Variants in GPC3 observed in about 807,000 individuals in gnomAD.
The protein encoded by GPC3 is glypican-3.
Under a neutral mutation model 34.4 loss-of-function variants are expected in GPC3, and 3 were observed. The ratio of observed to expected loss-of-function variants is 0.09; its 90% CI spans 0.04 to 0.23. The LOEUF (loss-of-function observed/expected upper bound fraction) is 0.23. Among genes scored for constraint, GPC3 ranks in the 10% least tolerant of loss-of-function variants. The pLI is 1.00. For synonymous variants in GPC3, 177 were observed against 174.0 expected (o/e 1.02, Z -0.13); for missense variants, 351 against 445.6 (o/e 0.79, Z 1.91).
intron 2 of GPC3, among the ~76,000 whole-genome samples, chrX:133,880,030 A>T (rs2076034817): frequency 9.0e-6 from 1 of 111,706 alleles, no homozygotes; most frequent in Non-Finnish European, 1.9e-5. Flanking sequence ...GCACTGTAAA[A>T]GGAAGACAAA....
intron 2 of GPC3, among the ~76,000 whole-genome samples, chrX:133,838,850 C>A (rs932676946): frequency 8.9e-6 from 1 of 111,949 alleles, no homozygotes; most frequent in African/African-American, 3.3e-5. Flanking sequence ...CTCTTTAACA[C>A]CCTTAGCGGG....
intron 7 of GPC3, among the ~76,000 whole-genome samples, chrX:133,584,374 AC>A (rs2069763848): frequency 1.8e-5 from 2 of 112,096 alleles, no homozygotes; most frequent in South Asian, 7.5e-4. Context: ...TATTTGGAGA[AC>A]GACTCTTCTC....
intron 2 of GPC3, among the ~76,000 whole-genome samples, chrX:133,812,147 T>A (rs12008879): frequency 0.11 from 11,893 of 111,452 alleles, 1,172 homozygotes; most frequent in African/African-American, 0.31. Flanking sequence ...AACCTTTATC[T>A]AAACCTAAGT....
At chrX:133,621,332 G>A (rs1383819649) in intron 6 of GPC3, among the ~76,000 whole-genome samples, 2 of 111,684 alleles carry the variant, frequency 1.8e-5, no homozygotes, top group East Asian at 5.7e-4. Context: ...TCCACGGAGC[G>A]TGAGCCGAAG....
chrX:133,629,499 G>A (rs767865346), intron 6 of GPC3, among the ~76,000 whole-genome samples: 16 of 110,588 alleles, frequency 1.4e-4, no homozygotes, highest in Admixed American at 6.8e-4. Context: ...AGGTTCAAGC[G>A]ATTCTCCTGC....
rs183388291 is a variant in GPC3, at chrX:133,600,516, A to G, written c.1414-3917T>C. The stretch of plus-strand genomic sequence containing the variant: ...CATTCTGGTGACAAATTCAGCATGG[A>G]AGAAGGATTATAGTAGACTTTTAAG... On this transcript the variant is annotated intron_variant, in intron 6 of 7. Coordinates refer to ENST00000370818, the MANE Select transcript of GPC3 (RefSeq NM_004484.4). 2.0e-4 allele frequency among the ~76,000 whole-genome samples: 23 copies of G among 112,195 alleles called. No individual in the cohort carries two copies. In the Admixed American group the frequency reaches 2.2e-3, roughly 11 times the overall value.
intron 2 of GPC3, among the ~76,000 whole-genome samples, chrX:133,853,617 C>T (rs1468438412): frequency 1.8e-5 from 2 of 112,114 alleles, no homozygotes; most frequent in Non-Finnish European, 3.8e-5. Context: ...ATGAATCAAG[C>T]GTTATGCTAG....
chrX:133,745,648 A>G (rs951905231), intron 3 of GPC3, among the ~76,000 whole-genome samples: 14 of 112,505 alleles, frequency 1.2e-4, no homozygotes, highest in African/African-American at 4.2e-4. Context: ...CTACCCTCCA[A>G]CAGGTGGCAC....
intron 7 of GPC3, among the ~76,000 whole-genome samples, chrX:133,536,897 A>G (rs1369198815): frequency 2.7e-5 from 3 of 111,535 alleles, no homozygotes; most frequent in Non-Finnish European, 5.6e-5. Flanking sequence ...CCTTTTATCT[A>G]TAAGGTCTTT....
intron 2 of GPC3, among the ~76,000 whole-genome samples, chrX:133,810,857 G>A (rs1249676981): frequency 3.5e-5 from 2 of 57,805 alleles, no homozygotes; most frequent in African/African-American, 5.3e-5. Flanking sequence ...GCAAGACTCC[G>A]TCTCAAAAAA....
intron 6 of GPC3, among the ~76,000 whole-genome samples, chrX:133,641,461 G>A (rs1384701568): frequency 9.1e-6 from 1 of 109,328 alleles, no homozygotes; most frequent in Non-Finnish European, 1.9e-5. Flanking sequence ...GGGTGACAGA[G>A]CAAGACTGTC....
rs770556955 is a variant in GPC3 at position 133,971,619 on chromosome X, T to C, written c.175+13656A>G. Among the ~76,000 whole-genome samples, 4 of 110,821 alleles carry C rather than the reference T, an allele frequency of 3.6e-5. No homozygotes were observed. In the South Asian group the frequency reaches 1.2e-3, roughly 32 times the overall value. ...ACAAGAAACAAAACCATTTAATAAA[T>C]ATAAAAAACCATAAAGCACCTTCTG... On this transcript the variant is annotated intron_variant, in intron 1 of 7. Transcript: ENST00000370818.
chrX:133,657,873 G>C (rs773064610), intron 6 of GPC3, among the ~76,000 whole-genome samples: 10 of 106,571 alleles, frequency 9.4e-5, no homozygotes, highest in Non-Finnish European at 1.7e-4. Flanking sequence ...AGTTCATCTG[G>C]ATGGACGCAC....
intron 3 of GPC3, among the ~76,000 whole-genome samples, chrX:133,715,985 A>G (rs1439021756): frequency 8.9e-6 from 1 of 112,001 alleles, no homozygotes; most frequent in Non-Finnish European, 1.9e-5. Flanking sequence ...CACTTCAGCA[A>G]AGACTGAGAG....
At chrX:133,626,875 T>C (rs180913735) in intron 6 of GPC3, among the ~76,000 whole-genome samples, 258 of 108,267 alleles carry the variant, frequency 2.4e-3, no homozygotes, top group African/African-American at 7.6e-3. Context: ...CGTATGTTTA[T>C]TGTGGCACTA....
intron 2 of GPC3, among the ~76,000 whole-genome samples, chrX:133,896,243 C>T (rs1000201528): frequency 7.2e-5 from 8 of 111,269 alleles, no homozygotes. Context: ...CGCCTGTAAT[C>T]CCAGCTACTT....
intron 2 of GPC3, among the ~76,000 whole-genome samples, chrX:133,952,449 T>A (rs780432553): frequency 3.6e-5 from 4 of 112,254 alleles, no homozygotes; most frequent in Non-Finnish European, 7.5e-5. Context: ...AAGGAGGTAC[T>A]CCCCATCCTG....
At chrX:133,933,004 T>C (rs1334761487) in intron 2 of GPC3, among the ~76,000 whole-genome samples, 1 of 111,823 alleles carries the variant, frequency 8.9e-6, no homozygotes, top group African/African-American at 3.2e-5. Flanking sequence ...TGGTTTAATA[T>C]GCAATTTTAC....
chrX:133,702,887 C>T (rs2071179193), intron 3 of GPC3, among the ~76,000 whole-genome samples: 1 of 112,191 alleles, frequency 8.9e-6, no homozygotes, highest in Non-Finnish European at 1.9e-5. Flanking sequence ...AAGCATTTGT[C>T]AAATATATTC....
Sources: allele counts gnomAD v4.1 joint callset (sites outside exome capture counted in the v4.1 genomes callset), GRCh38; gene constraint gnomAD v4.1.1; transcripts MANE v1.5; gene names NCBI Gene and HGNC (gene_info 2026-07-23, HGNC 2026-07-21).